Variants in IL1RAPL2 observed in about 807,000 individuals in gnomAD.
IL1RAPL2 encodes the protein X-linked interleukin-1 receptor accessory protein-like 2.
A neutral mutation model predicts 44.1 loss-of-function variants in IL1RAPL2; 3 were observed. That is an observed-to-expected ratio of 0.07 (90% CI 0.03 to 0.18). The LOEUF (loss-of-function observed/expected upper bound fraction) is 0.18. Among genes scored for constraint, IL1RAPL2 ranks in the 10% least tolerant of loss-of-function variants. The pLI, the probability that IL1RAPL2 is intolerant of heterozygous loss-of-function variation, is 1.00. For synonymous variants in IL1RAPL2, 181 were observed against 178.8 expected, an observed-to-expected ratio of 1.01 and a Z score of -0.10; for missense variants, 391 against 496.4, an observed-to-expected ratio of 0.79 and a Z score of 2.02.
In IL1RAPL2 at chrX:104,606,524, A is replaced by G. The variant is rs1009984696; in HGVS notation, c.-20+39473A>G. Among the ~76,000 whole-genome samples, 3 of 112,076 alleles carry G rather than the reference A, an allele frequency of 2.7e-5. No individual in the cohort carries two copies. The Admixed American group carries it at 2.9e-4, about 11-fold the overall frequency. On this transcript the variant is annotated intron_variant, in intron 1 of 10. Transcript: ENST00000372582. ...TATTCAAATAGGAAGGGAGGAATTC[A>G]AATTGTCTCTGTTTACAGATGACAT... is the stretch of plus-strand genomic sequence containing the variant.
chrX:105,763,847 T>G (rs1262178118), intron 10 of IL1RAPL2, among the ~76,000 whole-genome samples: 1 of 110,341 alleles, frequency 9.1e-6, no homozygotes, highest in Non-Finnish European at 1.9e-5. Context: ...ATCTGAAAAC[T>G]TCCACTTGGT....
At chrX:105,412,098 T>C (rs971692525) in intron 5 of IL1RAPL2, among the ~76,000 whole-genome samples, 2 of 110,923 alleles carry the variant, frequency 1.8e-5, no homozygotes, top group African/African-American at 3.3e-5. Flanking sequence ...TAAAAATTCA[T>C]TGGGACAAAT....
At chrX:105,080,599 C>A (rs1043307595) in intron 2 of IL1RAPL2, among the ~76,000 whole-genome samples, 4 of 111,767 alleles carry the variant, frequency 3.6e-5, no homozygotes, top group Non-Finnish European at 7.5e-5. Flanking sequence ...GTACCAGTAC[C>A]ATGCTGTTTT....
intron 2 of IL1RAPL2, among the ~76,000 whole-genome samples, chrX:104,848,938 G>A (rs1052920872): frequency 9.0e-6 from 1 of 110,700 alleles, no homozygotes; most frequent in Non-Finnish European, 1.9e-5. Context: ...TAATATTTAA[G>A]ATAACTTTAG....
intron 2 of IL1RAPL2, among the ~76,000 whole-genome samples, chrX:104,855,995 A>G (rs1922355852): frequency 9.0e-6 from 1 of 110,524 alleles, no homozygotes; most frequent in Non-Finnish European, 1.9e-5. Context: ...GATAATGAGG[A>G]CAGTATAGCA....
intron 1 of IL1RAPL2, among the ~76,000 whole-genome samples, chrX:104,624,826 G>A (rs1218947212): frequency 9.0e-6 from 1 of 111,361 alleles, no homozygotes; most frequent in African/African-American, 3.3e-5. Flanking sequence ...AGGCAGTGGT[G>A]TACTTTGTAT....
At chrX:105,014,088 T>A (rs2031119171) in intron 2 of IL1RAPL2, among the ~76,000 whole-genome samples, 1 of 111,984 alleles carries the variant, frequency 8.9e-6, no homozygotes, top group Non-Finnish European at 1.9e-5. Context: ...GAGAGACAAG[T>A]AGAATAAATG....
At chrX:105,718,663 T>G (rs2147554660) in intron 7 of IL1RAPL2, among the ~76,000 whole-genome samples, 1 of 111,907 alleles carries the variant, frequency 8.9e-6, no homozygotes, top group South Asian at 3.8e-4. Flanking sequence ...TTCAGGCCTA[T>G]AATCCCAGCA....
At chrX:105,447,656 A>T (rs1363296781) in intron 5 of IL1RAPL2, among the ~76,000 whole-genome samples, 1 of 77,329 alleles carries the variant, frequency 1.3e-5, no homozygotes, top group South Asian at 7.0e-4. Flanking sequence ...TATAAATATA[A>T]ATAAATATAA....
chrX:104,645,859 T>C (rs1447333350), intron 1 of IL1RAPL2, among the ~76,000 whole-genome samples: 2 of 112,538 alleles, frequency 1.8e-5, no homozygotes, highest in African/African-American at 6.5e-5. Context: ...GATATATCAC[T>C]ATGAAAGCCT....
chrX:104,794,169 G>A (rs1932838630), intron 2 of IL1RAPL2, among the ~76,000 whole-genome samples: 1 of 112,105 alleles, frequency 8.9e-6, no homozygotes, highest in Non-Finnish European at 1.9e-5. Context: ...AAAGCATACA[G>A]AAACATTCTG....
intron 5 of IL1RAPL2, among the ~76,000 whole-genome samples, chrX:105,387,186 G>A (rs1409608867): frequency 4.6e-5 from 5 of 108,248 alleles, no homozygotes; most frequent in African/African-American, 1.7e-4. Context: ...CCTGTAATAA[G>A]ATATTGTTAA....
At chrX:104,609,137 C>T (rs1027434436) in intron 1 of IL1RAPL2, among the ~76,000 whole-genome samples, 4 of 112,030 alleles carry the variant, frequency 3.6e-5, no homozygotes, top group African/African-American at 1.3e-4. Flanking sequence ...ATATGAAATT[C>T]TAGGTTGAAA....
At chrX:104,634,270 G>C (rs1359109108) in intron 1 of IL1RAPL2, among the ~76,000 whole-genome samples, 1 of 111,277 alleles carries the variant, frequency 9.0e-6, no homozygotes, top group Non-Finnish European at 1.9e-5. Flanking sequence ...CCAACTGTGT[G>C]GTCCATTTTG....
At chrX:104,625,752 C>G (rs1020713649) in intron 1 of IL1RAPL2, among the ~76,000 whole-genome samples, 1 of 111,424 alleles carries the variant, frequency 9.0e-6, no homozygotes, top group Non-Finnish European at 1.9e-5. Flanking sequence ...AGTTCCTTAC[C>G]TGAAACCAGA....
At chrX:104,632,920 G>C (rs182201782) in intron 1 of IL1RAPL2, among the ~76,000 whole-genome samples, 1 of 111,406 alleles carries the variant, frequency 9.0e-6, no homozygotes, top group South Asian at 3.8e-4. Context: ...TCTTGTGCCC[G>C]TTTTCAAAGG....
chrX:105,622,541 GATT>G (rs2037427362), intron 6 of IL1RAPL2, among the ~76,000 whole-genome samples: 4 of 110,417 alleles, frequency 3.6e-5, no homozygotes, highest in Non-Finnish European at 7.6e-5. Context: ...GAGTACATAG[GATT>G]CTTTGAGGTT....
intron 2 of IL1RAPL2, among the ~76,000 whole-genome samples, chrX:104,835,271 T>C (rs1343815002): frequency 9.0e-6 from 1 of 111,447 alleles, no homozygotes; most frequent in East Asian, 2.8e-4. Context: ...AGAGGGTCAG[T>C]GATTCTCTGT....
At chrX:105,601,640 C>G (rs749432058) in intron 6 of IL1RAPL2, among the ~76,000 whole-genome samples, 34 of 111,444 alleles carry the variant, frequency 3.1e-4, no homozygotes, top group African/African-American at 1.0e-3. Context: ...TGCCTTAAGT[C>G]CATGTAGCTA....
Sources: allele counts gnomAD v4.1 joint callset (sites outside exome capture counted in the v4.1 genomes callset), GRCh38; gene constraint gnomAD v4.1.1; transcripts MANE v1.5; gene names NCBI Gene and HGNC (gene_info 2026-07-23, HGNC 2026-07-21).